The following ANKS1B variants were observed in gnomAD, a reference collection of about 807,000 sequenced individuals.
The protein encoded by ANKS1B is ankyrin repeat and sterile alpha motif domain containing 1B.
ANKS1B carries 36 observed loss-of-function variants against 148.3 expected under a neutral mutation model. The observed-to-expected ratio is 0.24, with a 90% CI of 0.19 to 0.32. The LOEUF is 0.32. Ranked by LOEUF, ANKS1B falls within the 10% of genes least tolerant of loss-of-function variation. The pLI is 1.00. For missense variants in ANKS1B, 1,157 were observed against 1,542.6 expected, an observed-to-expected ratio of 0.75 and a Z score of 4.19; for synonymous variants, 542 against 560.8, an observed-to-expected ratio of 0.97 and a Z score of 0.47.
intron 17 of ANKS1B, among the ~76,000 whole-genome samples, chr12:98,935,442 T>C (rs1346425090): frequency 6.6e-6 from 1 of 152,208 alleles, no homozygotes; most frequent in Non-Finnish European, 1.5e-5. Context: ...TCTCTTCTTT[T>C]GTACTGTCTT....
intron 9 of ANKS1B, among the ~76,000 whole-genome samples, chr12:99,560,642 G>A (rs1041416334): frequency 1.3e-5 from 2 of 151,930 alleles, no homozygotes; most frequent in Admixed American, 1.3e-4. Flanking sequence ...GTGTGCAATA[G>A]CATTATATCT....
intron 10 of ANKS1B, among the ~76,000 whole-genome samples, chr12:99,446,114 TAA>T (rs56976816): frequency 7.5e-5 from 11 of 147,284 alleles, no homozygotes; most frequent in South Asian, 6.5e-4. Context: ...GGAAGCATGA[TAA>T]AAAAAAAACA....
intron 4 of ANKS1B, among the ~76,000 whole-genome samples, chr12:99,802,625 T>C (rs1271572030): frequency 2.6e-5 from 4 of 152,036 alleles, no homozygotes; most frequent in Non-Finnish European, 5.9e-5. Flanking sequence ...TTTAAAAACA[T>C]ATGTAGGTCA....
At chr12:99,460,415 G>A (rs1356289672) in intron 10 of ANKS1B, among the ~76,000 whole-genome samples, 6 of 151,970 alleles carry the variant, frequency 3.9e-5, no homozygotes, top group African/African-American at 1.4e-4. Context: ...ATAAATAGAT[G>A]GGACTTAATT....
chr12:99,113,556 T>C (rs1053349865), intron 15 of ANKS1B, among the ~76,000 whole-genome samples: 3 of 152,224 alleles, frequency 2.0e-5, no homozygotes, highest in Non-Finnish European at 2.9e-5. Context: ...TCAATTCCCC[T>C]TCCTGAAACA....
chr12:99,150,397 A>G (rs547821458), intron 15 of ANKS1B, among the ~76,000 whole-genome samples: 1 of 152,268 alleles, frequency 6.6e-6, no homozygotes, highest in African/African-American at 2.4e-5. Context: ...TTTCATGTCA[A>G]ATGTAACCAC....
chr12:99,329,883 A>T (rs2087165825), intron 12 of ANKS1B, among the ~76,000 whole-genome samples: 1 of 151,882 alleles, frequency 6.6e-6, no homozygotes, highest in South Asian at 2.1e-4. Flanking sequence ...CAAAATCTAC[A>T]TGTTTACATC....
intron 15 of ANKS1B, among the ~76,000 whole-genome samples, chr12:99,121,907 T>C (rs2063002021): frequency 6.6e-6 from 1 of 152,132 alleles, no homozygotes; most frequent in African/African-American, 2.4e-5. Flanking sequence ...GACCTTGGAG[T>C]TCTTAAAACC....
At chr12:99,418,635 T>G (rs1341549988) in intron 11 of ANKS1B, among the ~76,000 whole-genome samples, 1 of 152,184 alleles carries the variant, frequency 6.6e-6, no homozygotes, top group Non-Finnish European at 1.5e-5. Context: ...GCCTTTTATT[T>G]TTTTGTTTTT....
At chr12:98,825,324 T>TAAG (rs1413275998) in intron 19 of ANKS1B, among the ~76,000 whole-genome samples, 1 of 152,218 alleles carries the variant, frequency 6.6e-6, no homozygotes, top group Non-Finnish European at 1.5e-5. Flanking sequence ...AGAGAAGTAA[T>TAAG]TGACCTAGTT....
At chr12:99,066,063 C>A (rs748710783) in intron 16 of ANKS1B, among the ~76,000 whole-genome samples, 1 of 151,984 alleles carries the variant, frequency 6.6e-6, no homozygotes, top group African/African-American at 2.4e-5. Flanking sequence ...TGTCTGTAAT[C>A]CCAGAACTTT....
chr12:99,771,120 A>C lies in ANKS1B; in HGVS notation c.1128+1802T>G, dbSNP rs2063149766. On this transcript the variant is annotated intron_variant, in intron 8 of 26. Transcript: ENST00000683438. ...ATAGAAGCTTGAATCATGGTCTCCA[A>C]GCAGCACATACAGACCCCAGGGCAT... is the stretch of plus-strand genomic sequence containing the variant. 2.6e-5 allele frequency among the ~76,000 whole-genome samples: 4 copies of C among 152,220 alleles called. No individual in the cohort carries two copies. In the South Asian group the frequency reaches 8.3e-4, roughly 32 times the overall value.
Position 99,402,297 on chromosome 12 carries a change from A to G in ANKS1B, c.1576-2486T>C, listed in dbSNP as rs1483928177. On this transcript the variant is annotated intron_variant, in intron 11 of 26. Coordinates refer to ENST00000683438, the MANE Select transcript of ANKS1B (RefSeq NM_001352186.2). ...GAAACTCACTAATTAGTTTTATGAG[A>G]TGTTAAAGTGAACCTTCCTTTTTTA... Among the ~76,000 whole-genome samples the G allele has an allele frequency of 6.2e-5, 9 of 146,166 alleles. 1 individual carries two copies. The highest frequency in any genetic ancestry group is 3.5e-3 in the Middle Eastern group (1 of 288).
chr12:99,672,149 G>C (rs2098541090), intron 8 of ANKS1B, among the ~76,000 whole-genome samples: 1 of 151,986 alleles, frequency 6.6e-6, no homozygotes, highest in Non-Finnish European at 1.5e-5. Flanking sequence ...TGGAATACCT[G>C]AACCACATCC....
intron 12 of ANKS1B, among the ~76,000 whole-genome samples, chr12:99,361,078 TCAA>T (rs1314564923): frequency 1.3e-5 from 2 of 152,050 alleles, no homozygotes; most frequent in African/African-American, 4.8e-5. Context: ...GTGACTACAG[TCAA>T]CAACAACTTA....
chr12:99,040,250 C>T (rs1475711225), intron 17 of ANKS1B, among the ~76,000 whole-genome samples: 1 of 151,894 alleles, frequency 6.6e-6, no homozygotes, highest in Non-Finnish European at 1.5e-5. Context: ...CTCTCTCACT[C>T]TTTCTCTCTC....
At chr12:99,016,231 C>T (rs1213704644) in intron 17 of ANKS1B, among the ~76,000 whole-genome samples, 1 of 152,174 alleles carries the variant, frequency 6.6e-6, no homozygotes, top group African/African-American at 2.4e-5. Context: ...GTGTTAGAAC[C>T]CATGACACCC....
intron 12 of ANKS1B, among the ~76,000 whole-genome samples, chr12:99,301,803 A>T (rs2081657218): frequency 6.6e-6 from 1 of 152,298 alleles, no homozygotes; most frequent in Admixed American, 6.5e-5. Flanking sequence ...ATACTTGTAT[A>T]AAAAAGTACA....
Position 99,513,957 on chromosome 12 carries a change from C to T in ANKS1B, c.1273-9316G>A, listed in dbSNP as rs1254181180. Among the ~76,000 whole-genome samples the T allele has an allele frequency of 4.6e-5, 7 of 152,006 alleles. No homozygotes were observed. The East Asian group carries it at 7.7e-4, about 17-fold the overall frequency. On this transcript the variant is annotated intron_variant, in intron 9 of 26. Transcript: ENST00000683438. ...ATCATAAAATGCTAGTCATAGAACACGTTGATTCTTTTTAAACATTTAACA... is the reference window on the plus strand; with the variant it reads ...ATCATAAAATGCTAGTCATAGAACATGTTGATTCTTTTTAAACATTTAACA...
Sources: gnomAD v4.1 joint callset for allele counts (sites outside exome capture counted in the v4.1 genomes callset) on GRCh38, gnomAD v4.1.1 for gene constraint, MANE v1.5 for transcripts, NCBI Gene and HGNC (gene_info 2026-07-23, HGNC 2026-07-21) for gene names.